Variants in ERBB4 observed in about 807,000 individuals in gnomAD.
The protein encoded by ERBB4 is erb-b2 receptor tyrosine kinase 4.
In ERBB4, 42 loss-of-function variants were observed where a neutral mutation model predicts 158.0. That is an observed-to-expected ratio of 0.27 (90% CI 0.21 to 0.34). ERBB4 has a LOEUF of 0.34. ERBB4 is among the 10% of genes least tolerant of loss of function. The probability of loss-of-function intolerance (pLI) is 1.00; values close to 1 mark genes in which losing one functional copy is unlikely to be tolerated. For missense variants in ERBB4, 1,333 were observed against 1,624.1 expected, an observed-to-expected ratio of 0.82 and a Z score of 3.08; for synonymous variants, 583 against 558.7, an observed-to-expected ratio of 1.04 and a Z score of -0.61.
At chr2:212,296,115 T>C (rs2086401831) in intron 1 of ERBB4, among the ~76,000 whole-genome samples, 1 of 151,970 alleles carries the variant, frequency 6.6e-6, no homozygotes, top group Admixed American at 6.6e-5. Context: ...GAGCATTCGA[T>C]AGGTGAAGCA....
At position 211,383,274 on chromosome 2, in the gene ERBB4, GAAAC is replaced by G. The variant is rs1448214829; in HGVS notation, c.*337_*340del. The G allele has an allele frequency of 1.5e-5, 4 of 267,878 alleles. No homozygotes were observed. Among genetic ancestry groups the G allele is most frequent in the South Asian group, 1.7e-4 (2 of 11,790 alleles). 16.6% of individuals were successfully genotyped at this position (267,878 alleles called of 1,614,324 possible). On this transcript the variant is annotated 3_prime_UTR_variant, in exon 28 of 28. Transcript: ENST00000342788. ...AAAAAAAAAAAAGAAGAGGAAGAAA[GAAAC>G]AAAGAAAGAAAAAGAAAAAGAAAAA...
At chr2:211,988,528 G>T (rs1246749125) in intron 2 of ERBB4, among the ~76,000 whole-genome samples, 2 of 151,976 alleles carry the variant, frequency 1.3e-5, no homozygotes, top group African/African-American at 4.8e-5. Context: ...AAATATTAGA[G>T]GCTAGATATG....
chr2:211,969,617 A>G (rs2081396886), intron 2 of ERBB4, among the ~76,000 whole-genome samples: 1 of 152,036 alleles, frequency 6.6e-6, no homozygotes, highest in Admixed American at 6.6e-5. Flanking sequence ...AAGGCTGGGA[A>G]GGGTGCTCTT....
intron 5 of ERBB4, among the ~76,000 whole-genome samples, chr2:211,743,260 TATG>T (rs2074852839): frequency 6.6e-6 from 1 of 152,140 alleles, no homozygotes; most frequent in African/African-American, 2.4e-5. Context: ...ACTTCACAAT[TATG>T]ATGACTTTAA....
intron 2 of ERBB4, among the ~76,000 whole-genome samples, chr2:212,118,720 TA>T (rs1002050824): frequency 2.1e-4 from 31 of 149,108 alleles, no homozygotes; most frequent in African/African-American, 3.5e-4. Flanking sequence ...AAAGTTTTTT[TA>T]AAAAAAAATA....
intron 1 of ERBB4, among the ~76,000 whole-genome samples, chr2:212,295,479 A>C (rs1285882296): frequency 6.6e-6 from 1 of 152,068 alleles, no homozygotes; most frequent in Non-Finnish European, 1.5e-5. Context: ...TCAAATGAAA[A>C]GAAAACGTAT....
intron 2 of ERBB4, among the ~76,000 whole-genome samples, chr2:212,040,407 G>T (rs937091173): frequency 8.6e-5 from 13 of 151,810 alleles, no homozygotes; most frequent in Admixed American, 2.6e-4. Flanking sequence ...AACACAAGCT[G>T]ATATGAACAA....
intron 19 of ERBB4, among the ~76,000 whole-genome samples, chr2:211,599,513 C>CTGTGTGTTTGTGTGTGTGTGTG (rs2068735391): frequency 7.1e-6 from 1 of 140,804 alleles, no homozygotes; most frequent in Non-Finnish European, 1.6e-5. Flanking sequence ...ATAATTTCTT[C>CTGTGTGTTTGTGTGTGTGTGTG]TGTGTGTGTG....
At chr2:211,944,195 ATATAC>A (rs1159211130) in intron 3 of ERBB4, among the ~76,000 whole-genome samples, 781 of 45,332 alleles carry the variant, frequency 0.017, 13 homozygotes, top group African/African-American at 0.072. Flanking sequence ...ATATATATAT[ATATAC>A]TATATATATA....
chr2:212,131,838 G>T (rs939050746), intron 1 of ERBB4, among the ~76,000 whole-genome samples: 3 of 152,286 alleles, frequency 2.0e-5, no homozygotes, highest in African/African-American at 7.2e-5. Context: ...CACCTCAACA[G>T]GTAAAGAACC....
At chr2:211,890,002 C>T (rs1289211977) in intron 3 of ERBB4, among the ~76,000 whole-genome samples, 16 of 98,390 alleles carry the variant, frequency 1.6e-4, no homozygotes, top group African/African-American at 6.6e-4. Flanking sequence ...TCCAGGAGAA[C>T]TTCCCCAATC....
intron 1 of ERBB4, among the ~76,000 whole-genome samples, chr2:212,191,711 CATGTTACATATAACACGTGTTATACAT>C (rs2082226352): frequency 1.4e-5 from 2 of 147,478 alleles, no homozygotes; most frequent in African/African-American, 5.0e-5. Context: ...ACGTGTTATA[CATGTTACATATAACACGTGTTATACAT>C]GTTACATATA....
intron 1 of ERBB4, among the ~76,000 whole-genome samples, chr2:212,465,804 T>G (rs897677218): frequency 1.3e-5 from 2 of 152,206 alleles, no homozygotes; most frequent in African/African-American, 4.8e-5. Context: ...TTTATTGTCC[T>G]CTTTTCCCCA....
intron 3 of ERBB4, among the ~76,000 whole-genome samples, chr2:211,926,975 C>A (rs1394793490): frequency 2.0e-5 from 3 of 152,034 alleles, no homozygotes; most frequent in African/African-American, 7.2e-5. Context: ...TACATAAGAC[C>A]CGTCAAACAT....
At chr2:212,531,001 T>C (rs1692725606) in intron 1 of ERBB4, among the ~76,000 whole-genome samples, 1 of 152,220 alleles carries the variant, frequency 6.6e-6, no homozygotes, top group South Asian at 2.1e-4. Context: ...GGATCTTGCA[T>C]ATTCCTATTG....
chr2:212,101,350 C>CATATAT (rs56091369), intron 2 of ERBB4, among the ~76,000 whole-genome samples: 2 of 143,088 alleles, frequency 1.4e-5, no homozygotes, highest in Non-Finnish European at 3.0e-5. Flanking sequence ...ACACCCTATA[C>CATATAT]ATATATATAT....
rs151187652 is a variant in ERBB4, at chr2:212,087,565, C to T, written c.234+37187G>A. On this transcript the variant is annotated intron_variant, in intron 2 of 27. Transcript: ENST00000342788. ...CACCCTGCTGGGTTTCTCTGTGACA[C>T]TTCCAGCCACTCAGCACTCTACACA... Among the ~76,000 whole-genome samples, 718 of 152,136 alleles carry T rather than the reference C, an allele frequency of 4.7e-3. 9 individuals carry two copies. The highest frequency in any genetic ancestry group is 0.016 in the African/African-American group (684 of 41,506).
intron 2 of ERBB4, among the ~76,000 whole-genome samples, chr2:211,961,904 T>A (rs1364328797): frequency 6.6e-6 from 1 of 152,098 alleles, no homozygotes; most frequent in Non-Finnish European, 1.5e-5. Context: ...TAAAAGCAAG[T>A]TATAGTGTCC....
At chr2:211,518,931 T>C (rs1027378835) in intron 20 of ERBB4, among the ~76,000 whole-genome samples, 8 of 152,152 alleles carry the variant, frequency 5.3e-5, no homozygotes, top group South Asian at 2.1e-4. Flanking sequence ...TGAATTTCCA[T>C]CTTCCCTAAA....
Sources: gnomAD v4.1 joint callset for allele counts (sites outside exome capture counted in the v4.1 genomes callset) on GRCh38, gnomAD v4.1.1 for gene constraint, MANE v1.5 for transcripts, NCBI Gene and HGNC (gene_info 2026-07-23, HGNC 2026-07-21) for gene names.